DDX60: variants seen among roughly 807,000 people sequenced by gnomAD.
DDX60 encodes the protein probable ATP-dependent RNA helicase DDX60.
Under a neutral mutation model 212.8 loss-of-function variants are expected in DDX60, and 165 were observed. The ratio of observed to expected loss-of-function variants is 0.78; its 90% CI spans 0.68 to 0.88. The LOEUF is 0.88. DDX60 is among the 40% of genes least tolerant of loss of function. The pLI, the probability that DDX60 is intolerant of heterozygous loss-of-function variation, is 0.00. For missense variants in DDX60, 1,905 were observed against 2,003.9 expected (o/e 0.95, Z 0.94); for synonymous variants, 703 against 685.3 (o/e 1.03, Z -0.40).
chr4:168,222,958 A>G (rs1733114599), intron 35 of DDX60, among the ~76,000 whole-genome samples: 1 of 152,130 alleles, frequency 6.6e-6, no homozygotes, highest in South Asian at 2.1e-4. Context: ...GTTCGACGTT[A>G]CAGCAGGGAT....
chr4:168,218,197 A>G (rs1732919130), intron 37 of DDX60, among the ~76,000 whole-genome samples: 1 of 152,054 alleles, frequency 6.6e-6, no homozygotes, highest in South Asian at 2.1e-4. Context: ...TACAACACCA[A>G]ATTTCCTTCT....
chr4:168,238,365 AG>A (rs1389638578), intron 30 of DDX60, among the ~76,000 whole-genome samples: 1 of 140,824 alleles, frequency 7.1e-6, no homozygotes, highest in Non-Finnish European at 1.5e-5. Context: ...AGGAGGAGGA[AG>A]GGAAGGAAAA....
At position 168,280,417 on chromosome 4, in the gene DDX60, AC is replaced by A. The variant is rs770300879; in HGVS notation, c.1895del (p.Ser632IlefsTer4). 6.2e-7 allele frequency: 1 copy of A among 1,614,196 alleles called. No homozygotes were observed. Among genetic ancestry groups the A allele is most frequent in the Non-Finnish European group, 8.5e-7 (1 of 1,180,020 alleles). Reference protein sequence around the residue: ...SLEDFLKSCKSSCVKLQVEMV... With the variant: ...SLEDFLKSCKXSCVKLQVEMV... ...TTTCAACCTGAAGTTTCACACAGCT[AC>A]TTTTACAGGATTTCAAAAAATCTTC... On this transcript the variant is annotated frameshift_variant, in exon 14 of 38. Transcript: ENST00000393743. LOFTEE classifies it high-confidence loss of function.
intron 22 of DDX60, among the ~76,000 whole-genome samples, chr4:168,263,975 T>G (rs554400740): frequency 6.6e-6 from 1 of 152,168 alleles, no homozygotes; most frequent in African/African-American, 2.4e-5. Flanking sequence ...GCATGCAAAT[T>G]TATCCAAAAT....
upstream of DDX60, among the ~76,000 whole-genome samples, chr4:168,319,334 G>A (rs1359831259): frequency 2.0e-5 from 3 of 152,110 alleles, no homozygotes; most frequent in East Asian, 5.8e-4. Context: ...ATCAAGAAGA[G>A]TTAGAATTTA....
intron 28 of DDX60, among the ~76,000 whole-genome samples, chr4:168,250,082 C>T (rs1022506522): frequency 6.6e-6 from 1 of 152,208 alleles, no homozygotes; most frequent in African/African-American, 2.4e-5. Flanking sequence ...TCCCTGCGCA[C>T]TGTCATGGGA....
Position 168,262,684 on chromosome 4 carries a change from TG to T in DDX60, c.3142del (p.Gln1048ArgfsTer15). The T allele has an allele frequency of 6.3e-7, 1 of 1,598,328 alleles. No individual in the cohort carries two copies. The highest frequency in any genetic ancestry group is 8.6e-7 in the Non-Finnish European group (1 of 1,166,936). On this transcript the variant is annotated frameshift_variant and splice_region_variant, in exon 23 of 38. Transcript: ENST00000393743. LOFTEE classifies it high-confidence loss of function. ...ATTAATTACATCATTATTATTTACC[TG>T]GGCCCGAGGCCAACTTTTCCAAATT... ...FQIWKSWPRA[Q>X]ELCPENFIHF...
intron 19 of DDX60, among the ~76,000 whole-genome samples, chr4:168,270,930 T>A (rs1484450300): frequency 1.4e-5 from 2 of 141,892 alleles, no homozygotes; most frequent in Non-Finnish European, 3.0e-5. Context: ...CAGGCTGGAG[T>A]GCAGTGGTAC....
At position 168,273,405 on chromosome 4, in the gene DDX60, G is replaced by T; in HGVS notation, c.2455-7C>A. 6.2e-7 allele frequency: 1 copy of T among 1,612,754 alleles called. No homozygotes were observed. The highest frequency in any genetic ancestry group is 1.1e-5 in the South Asian group (1 of 90,750). On this transcript the variant is annotated splice_region_variant and splice_polypyrimidine_tract_variant and intron_variant, in intron 17 of 37. Transcript: ENST00000393743. The stretch of plus-strand genomic sequence containing the variant: ...CCACTTGATTAACAAGGGCCTGATT[G>T]ACAAAGAAAAAGATCCATTAGTCAC...
intron 34 of DDX60, 69 bp from the exon 35 acceptor site, chr4:168,224,454 C>A: frequency 6.8e-7 from 1 of 1,480,302 alleles, no homozygotes; most frequent in Admixed American, 1.9e-5. Context: ...CAGATACTTT[C>A]TCTAGACCAT....
intron 5 of DDX60, among the ~76,000 whole-genome samples, chr4:168,305,247 G>A (rs972469798): frequency 2.6e-5 from 4 of 152,266 alleles, no homozygotes; most frequent in East Asian, 3.9e-4. Context: ...CAGTGAAATC[G>A]TCTAATGATG....
chr4:168,303,485 T>C (rs1479688363), intron 5 of DDX60, among the ~76,000 whole-genome samples: 1 of 152,048 alleles, frequency 6.6e-6, no homozygotes, highest in Non-Finnish European at 1.5e-5. Flanking sequence ...TGAAAATAGT[T>C]TAATAATAGT....
At chr4:168,281,131 C>T (rs954764737) in intron 13 of DDX60, among the ~76,000 whole-genome samples, 3 of 152,176 alleles carry the variant, frequency 2.0e-5, no homozygotes, top group Admixed American at 2.0e-4. Flanking sequence ...TGGAGCAGGA[C>T]TCTGTCTCAG....
upstream of DDX60, among the ~76,000 whole-genome samples, chr4:168,321,824 G>A (rs776530650): frequency 6.6e-6 from 1 of 152,042 alleles, no homozygotes; most frequent in Non-Finnish European, 1.5e-5. Flanking sequence ...TCCACTAATA[G>A]GTTCAATTAG....
At chr4:168,278,550 C>G (rs992308120) in intron 14 of DDX60, among the ~76,000 whole-genome samples, 4 of 152,170 alleles carry the variant, frequency 2.6e-5, no homozygotes, top group Non-Finnish European at 4.4e-5. Flanking sequence ...GCGGGCCGGG[C>G]TCAGTGGCTC....
chr4:168,325,344 T>C, the DDX60 span, among the ~76,000 whole-genome samples: 1 of 152,246 alleles, frequency 6.6e-6, no homozygotes, highest in African/African-American at 2.4e-5. Flanking sequence ...TTGCATGCTT[T>C]CTTAAAATTA....
In DDX60 at chr4:168,284,894, A is replaced by T; in HGVS notation, c.1487T>A (p.Phe496Tyr). ...IVTSLVKQKE[F>Y]DELVHWHSHK... ...AGAATGCCAGTGCACAAGTTCATCA[A>T]ATTCCTTTTGTTTAACCAGTGAAGT... is the stretch of plus-strand genomic sequence containing the variant. The change falls in exon 12 of 38, where the codon TTT becomes TAT. Residue 496 changes from phenylalanine to tyrosine, a missense_variant. Transcript: ENST00000393743. 6 of 1,597,966 alleles carry T rather than the reference A, an allele frequency of 3.8e-6. No individual in the cohort carries two copies. The highest frequency in any genetic ancestry group is 5.1e-6 in the Non-Finnish European group (6 of 1,170,104).
rs528937373 is a variant in DDX60 at position 168,297,233 on chromosome 4, T to C, written c.724-3288A>G. On this transcript the variant is annotated intron_variant, in intron 6 of 37. Transcript: ENST00000393743. ...CAAAAAATGATCTTTATTCAGCAAC[T>C]GATAAACCAAAAACAGGGCTGGAAA... Among the ~76,000 whole-genome samples, 9 of 141,352 alleles carry C rather than the reference T, an allele frequency of 6.4e-5. No homozygotes were observed. In the South Asian group the frequency reaches 2.0e-3, roughly 32 times the overall value. 92.7% of individuals were successfully genotyped at this position (141,352 alleles called of 152,430 possible).
intron 11 of DDX60, 83 bp downstream of exon 11, chr4:168,285,310 C>A: frequency 2.4e-6 from 2 of 819,210 alleles, no homozygotes; most frequent in South Asian, 1.6e-5. Context: ...GTACTCTAAT[C>A]GTCTGCATTT....
Sources: allele counts gnomAD v4.1 joint callset (sites outside exome capture counted in the v4.1 genomes callset), GRCh38; gene constraint gnomAD v4.1.1; transcripts MANE v1.5; gene names NCBI Gene and HGNC (gene_info 2026-07-23, HGNC 2026-07-21).